TBX18: variants seen among roughly 807,000 people sequenced by gnomAD.
TBX18 encodes the protein T-box transcription factor 18, also known as T-box transcription factor TBX18.
Under a neutral mutation model 55.0 loss-of-function variants are expected in TBX18, and 21 were observed. The ratio of observed to expected loss-of-function variants is 0.38; its 90% CI spans 0.27 to 0.55. The LOEUF (loss-of-function observed/expected upper bound fraction) is 0.55. TBX18 is among the 20% of genes least tolerant of loss of function. The pLI is 0.73. For missense variants in TBX18, 840 were observed against 799.6 expected (o/e 1.05, Z -0.61); for synonymous variants, 342 against 326.1 (o/e 1.05, Z -0.53).
chr6:84,762,793 A>G (rs1767691311), intron 1 of TBX18, 45 bp from the exon 2 acceptor site: 1 of 1,537,178 alleles, frequency 6.5e-7, no homozygotes. Context: ...AGGGAAACAG[A>G]GGGGAAGCCA....
chr6:84,739,448 A>G (rs1766984503), intron 6 of TBX18, among the ~76,000 whole-genome samples: 1 of 152,088 alleles, frequency 6.6e-6, no homozygotes, highest in African/African-American at 2.4e-5. Flanking sequence ...CCCTCTGTAT[A>G]TCAAGTGACT....
At chr6:84,758,088 C>T (rs1392292535) in intron 3 of TBX18, among the ~76,000 whole-genome samples, 1 of 152,020 alleles carries the variant, frequency 6.6e-6, no homozygotes, top group Non-Finnish European at 1.5e-5. Flanking sequence ...CATATACAAT[C>T]ATAAAATTAG....
rs1207929858 is a variant in TBX18 at position 84,734,095 on chromosome 6, G to C, written c.*2590C>G. 1 of 152,188 alleles carries C rather than the reference G, an allele frequency of 6.6e-6. No individual in the cohort carries two copies. Among genetic ancestry groups the C allele is most frequent in the Admixed American group, 6.5e-5 (1 of 15,278 alleles). 9.4% of individuals were successfully genotyped at this position (152,188 alleles called of 1,614,324 possible). On this transcript the variant is annotated 3_prime_UTR_variant, in exon 8 of 8. Coordinates refer to ENST00000369663, the MANE Select transcript of TBX18 (RefSeq NM_001080508.3). ...GCGATGTCCCTTGGAATGTTTACTA[G>C]TCAAGGGGCATAGAAGTAATCTGTC...
chr6:84,764,453 A>G lies in TBX18; in HGVS notation c.-272T>C. On this transcript the variant is annotated 5_prime_UTR_variant, in exon 1 of 8. Coordinates refer to ENST00000369663, the MANE Select transcript of TBX18 (RefSeq NM_001080508.3). ...GCACTCCTTTGCTCCCACCCCTTCC[A>G]CCTCCTCCTGCTGCTCCGAGGTCTG... 2.5e-6 allele frequency: 1 copy of G among 396,990 alleles called. No individual in the cohort carries two copies. Among genetic ancestry groups the G allele is most frequent in the South Asian group, 7.9e-5 (1 of 12,590 alleles). The allele number at this position is 396,990 out of a possible 1,614,324, so 24.6% of individuals were successfully genotyped here.
chr6:84,749,495 T>C (rs925997034), intron 4 of TBX18, among the ~76,000 whole-genome samples: 1 of 151,956 alleles, frequency 6.6e-6, no homozygotes, highest in Non-Finnish European at 1.5e-5. Flanking sequence ...TTCTTTTTTT[T>C]TTTTTAACCC....
In TBX18 at chr6:84,738,522, T is replaced by G; in HGVS notation, c.1074A>C (p.Glu358Asp). Residue 358 changes from glutamate to aspartate, a missense_variant, in exon 7 of 8, where the codon GAA becomes GAC. Coordinates refer to ENST00000369663, the MANE Select transcript of TBX18 (RefSeq NM_001080508.3). ...CTTGCTTGGGAATTCCAGGGATATC[T>G]TCAAAGGTCAGAGTCCGTAGTGATG... ...WRPSLRTLTF[E>D]DIPGIPKQGN... 1.2e-6 allele frequency: 2 copies of G among 1,614,082 alleles called. No homozygotes were observed. The highest frequency in any genetic ancestry group is 1.7e-6 in the Non-Finnish European group (2 of 1,179,976).
At position 84,736,212 on chromosome 6, in the gene TBX18, G is replaced by C. The variant is rs1773935588; in HGVS notation, c.*473C>G. The C allele has an allele frequency of 6.6e-6, 1 of 152,656 alleles. No individual in the cohort carries two copies. The highest frequency in any genetic ancestry group is 6.6e-5 in the Admixed American group (1 of 15,266). 9.5% of individuals were successfully genotyped at this position (152,656 alleles called of 1,614,324 possible). ...GACTTCAACTGGCTTTTGTATTTTA[G>C]ATTCTCACACTGTGTCCAAGAATAA... is the stretch of plus-strand genomic sequence containing the variant. On this transcript the variant is annotated 3_prime_UTR_variant, in exon 8 of 8. Coordinates refer to ENST00000369663, the MANE Select transcript of TBX18 (RefSeq NM_001080508.3).
At chr6:84,755,888 C>T (rs1453087772) in intron 4 of TBX18, among the ~76,000 whole-genome samples, 1 of 152,146 alleles carries the variant, frequency 6.6e-6, no homozygotes, top group Non-Finnish European at 1.5e-5. Context: ...CATAAATATG[C>T]TATCTTTATA....
chr6:84,745,445 A>C (rs1157452058), intron 5 of TBX18, among the ~76,000 whole-genome samples: 1 of 152,128 alleles, frequency 6.6e-6, no homozygotes, highest in Non-Finnish European at 1.5e-5. Flanking sequence ...CTAAGGACAA[A>C]AACTGTTAAA....
chr6:84,733,349 A>T lies in TBX18; in HGVS notation c.*3336T>A, dbSNP rs1049655137. ...TAGAAAGGATGAACAATGAGATTAA[A>T]ACACAACATGGTAATAATTTAATAC... On this transcript the variant is annotated 3_prime_UTR_variant, in exon 8 of 8. Transcript: ENST00000369663. The T allele has an allele frequency of 6.6e-6, 1 of 152,224 alleles. No individual in the cohort carries two copies. Among genetic ancestry groups the T allele is most frequent in the Non-Finnish European group, 1.5e-5 (1 of 68,044 alleles). 9.4% of individuals were successfully genotyped at this position (152,224 alleles called of 1,614,324 possible).
chr6:84,764,068 C>T lies in TBX18; in HGVS notation c.114G>A (p.Arg38=). ...CCGCCTCTTCGGCGCCCAGTTTTCG[C>T]CGCTTCTTCTGAAGCTGTTGCTGCT... The part of the protein sequence containing the change: ...AEKQQQLQKK[R]RKLGAEEAAG... The change falls in exon 1 of 8, where the codon CGG becomes CGA. Residue 38 remains arginine (R), a synonymous_variant. Coordinates refer to ENST00000369663, the MANE Select transcript of TBX18 (RefSeq NM_001080508.3). The T allele has an allele frequency of 6.3e-7, 1 of 1,576,472 alleles. No individual in the cohort carries two copies. The highest frequency in any genetic ancestry group is 8.6e-7 in the Non-Finnish European group (1 of 1,165,116).
At chr6:84,763,377 C>G (rs912890438) in intron 1 of TBX18, 17 of 457,536 alleles carry the variant, frequency 3.7e-5, no homozygotes, top group African/African-American at 3.4e-4. Context: ...CGCCGTCGGC[C>G]TTGGCAGAGA....
At chr6:84,743,288 T>G (rs1297152949) in intron 6 of TBX18, among the ~76,000 whole-genome samples, 1 of 152,108 alleles carries the variant, frequency 6.6e-6, no homozygotes, top group East Asian at 1.9e-4. Context: ...AGAACTTGAG[T>G]GTATTCTGAG....
In TBX18 at chr6:84,736,130, A is replaced by C. The variant is rs1410411562; in HGVS notation, c.*555T>G. 1 of 152,638 alleles carries C rather than the reference A, an allele frequency of 6.6e-6. No individual in the cohort carries two copies. The highest frequency in any genetic ancestry group is 1.5e-5 in the Non-Finnish European group (1 of 68,032). 9.5% of individuals were successfully genotyped at this position (152,638 alleles called of 1,614,324 possible). A position where few individuals can be genotyped will look rare whatever the true frequency, so the allele number is the denominator to read the frequency against. On this transcript the variant is annotated 3_prime_UTR_variant, in exon 8 of 8. Transcript: ENST00000369663. The stretch of plus-strand genomic sequence containing the variant: ...CATATAGTATGTGTGGTAAATAATA[A>C]GCAGGAATGAAAAAGCTGATCCTTC...
At chr6:84,753,119 C>A (rs1193459526) in intron 4 of TBX18, among the ~76,000 whole-genome samples, 1 of 152,150 alleles carries the variant, frequency 6.6e-6, no homozygotes, top group Non-Finnish European at 1.5e-5. Flanking sequence ...CACCAAGGAT[C>A]AGGAAGAGAT....
In TBX18 at chr6:84,735,715, A is replaced by AAATATTCTAAATTTAAAAAC. The variant is rs1773920226; in HGVS notation, c.*950_*969dup. The AAATATTCTAAATTTAAAAAC allele has an allele frequency of 6.6e-6, 1 of 152,208 alleles. No homozygotes were observed. Among genetic ancestry groups the AAATATTCTAAATTTAAAAAC allele is most frequent in the African/African-American group, 2.4e-5 (1 of 41,464 alleles). The allele number at this position is 152,208 out of a possible 1,614,324, so 9.4% of individuals were successfully genotyped here. ...CAGGAAGCTCAGAGCAAGATGGAAA[A>AAATATTCTAAATTTAAAAAC]AATATTCTAAATTTAAAAACAAACT... On this transcript the variant is annotated 3_prime_UTR_variant, in exon 8 of 8. Transcript: ENST00000369663.
At position 84,764,440 on chromosome 6, in the gene TBX18, T is replaced by C; in HGVS notation, c.-259A>G. The C allele has an allele frequency of 2.2e-6, 1 of 451,598 alleles. No individual in the cohort carries two copies. Among genetic ancestry groups the C allele is most frequent in the Middle Eastern group, 5.7e-4 (1 of 1,756 alleles). 28.0% of individuals were successfully genotyped at this position (451,598 alleles called of 1,614,324 possible). A position where few individuals can be genotyped will look rare whatever the true frequency, so the allele number is the denominator to read the frequency against. ...CTCTCTCACTGATGCACTCCTTTGC[T>C]CCCACCCCTTCCACCTCCTCCTGCT... On this transcript the variant is annotated 5_prime_UTR_variant, in exon 1 of 8. Transcript: ENST00000369663.
intron 6 of TBX18, among the ~76,000 whole-genome samples, chr6:84,738,906 G>C (rs1180101049): frequency 6.6e-6 from 1 of 152,150 alleles, no homozygotes; most frequent in Non-Finnish European, 1.5e-5. Flanking sequence ...CCTCCTGGCT[G>C]CTGTGAGTCC....
intron 6 of TBX18, among the ~76,000 whole-genome samples, chr6:84,738,864 C>T (rs1004369490): frequency 1.3e-5 from 2 of 152,100 alleles, no homozygotes; most frequent in African/African-American, 4.8e-5. Context: ...AAAGCTGTTC[C>T]CTTGGGCTAA....
Sources: allele counts gnomAD v4.1 joint callset (sites outside exome capture counted in the v4.1 genomes callset), GRCh38; gene constraint gnomAD v4.1.1; transcripts MANE v1.5; gene names NCBI Gene and HGNC (gene_info 2026-07-23, HGNC 2026-07-21).